Variants in AHCYL2 observed in about 807,000 individuals in gnomAD.
AHCYL2 encodes adenosylhomocysteinase like 2, also known as S-adenosylhomocysteine hydrolase-like protein 2.
In AHCYL2, 28 loss-of-function variants were observed where a neutral mutation model predicts 81.4. The ratio of observed to expected loss-of-function variants is 0.34; its 90% confidence interval spans 0.25 to 0.47. The LOEUF (loss-of-function observed/expected upper bound fraction) is 0.47. Ranked by LOEUF, AHCYL2 falls within the 20% of genes least tolerant of loss-of-function variation. The pLI, the probability that AHCYL2 is intolerant of heterozygous loss-of-function variation, is 1.00. For synonymous variants in AHCYL2, 272 were observed against 290.2 expected, an observed-to-expected ratio of 0.94 and a Z score of 0.64; for missense variants, 551 against 785.1, an observed-to-expected ratio of 0.70 and a Z score of 3.56.
chr7:129,246,807 A>G (rs1442996268), intron 1 of AHCYL2, among the ~76,000 whole-genome samples: 5 of 152,280 alleles, frequency 3.3e-5, no homozygotes, highest in East Asian at 3.9e-4. Context: ...TGGAAATTTC[A>G]TATAAATTAA....
chr7:129,325,327 G>A (rs532579237), intron 1 of AHCYL2, among the ~76,000 whole-genome samples: 8 of 152,022 alleles, frequency 5.3e-5, no homozygotes, highest in South Asian at 4.2e-4. Context: ...TTTTCGTTTC[G>A]GTTTTTAAAG....
At chr7:129,405,537 C>T (rs1441208948) in intron 8 of AHCYL2, 2 of 370,514 alleles carry the variant, frequency 5.4e-6, no homozygotes, top group East Asian at 4.3e-5. Flanking sequence ...AAAACCCTTA[C>T]ATATAGGATT....
intron 1 of AHCYL2, among the ~76,000 whole-genome samples, chr7:129,359,971 A>G (rs921531902): frequency 6.6e-6 from 1 of 152,152 alleles, no homozygotes; most frequent in African/African-American, 2.4e-5. Flanking sequence ...TAATTTTGTT[A>G]TAGTGATGTT....
Position 129,368,357 on chromosome 7 carries a change from G to T in AHCYL2, c.364-11281G>T. The T allele has an allele frequency of 6.7e-7, 1 of 1,496,376 alleles. No individual in the cohort carries two copies. The highest frequency in any genetic ancestry group is 1.4e-5 in the South Asian group (1 of 72,464). 92.7% of individuals were successfully genotyped at this position (1,496,376 alleles called of 1,614,324 possible). A position where few individuals can be genotyped will look rare whatever the true frequency, so the allele number is the denominator to read the frequency against. On this transcript the variant is annotated intron_variant, in intron 1 of 16. Transcript: ENST00000325006. The surrounding 1 kb of genome is among the most constrained non-coding windows in gnomAD (Gnocchi z 4.4). ...TTGAATCGGAGGCTGCTGTGAAAAG[G>T]GATGCAGCTTCTGCTAGCCACTGTG... is the stretch of plus-strand genomic sequence containing the variant.
At chr7:129,270,199 G>A (rs1795960427) in intron 1 of AHCYL2, among the ~76,000 whole-genome samples, 1 of 152,098 alleles carries the variant, frequency 6.6e-6, no homozygotes, top group Admixed American at 6.6e-5. Context: ...ACTGGTTGAG[G>A]GATTCTACCT....
At position 129,279,457 on chromosome 7, in the gene AHCYL2, T is replaced by C. The variant is rs536216882; in HGVS notation, c.363+54018T>C. On this transcript the variant is annotated intron_variant, in intron 1 of 16. Coordinates refer to ENST00000325006, the MANE Select transcript of AHCYL2 (RefSeq NM_015328.4). ...TAGGTCTTGCATATCTTTTGTCCAATGTATCGATGTTTCATGTTCCATGTT... is the reference window on the plus strand; with the variant it reads ...TAGGTCTTGCATATCTTTTGTCCAACGTATCGATGTTTCATGTTCCATGTT... 2.0e-5 allele frequency among the ~76,000 whole-genome samples: 3 copies of C among 152,294 alleles called. No homozygotes were observed. In the East Asian group the frequency reaches 5.8e-4, roughly 29 times the overall value.
chr7:129,235,356 C>T (rs932934053), intron 1 of AHCYL2, among the ~76,000 whole-genome samples: 12 of 151,868 alleles, frequency 7.9e-5, no homozygotes, highest in African/African-American at 2.9e-4. Flanking sequence ...GAGAGGCTTC[C>T]ACCTCTGAAC....
chr7:129,398,712 A>T lies in AHCYL2; in HGVS notation c.823+1388A>T, dbSNP rs192208480. 5.3e-5 allele frequency among the ~76,000 whole-genome samples: 8 copies of T among 151,698 alleles called. No individual in the cohort carries two copies. The East Asian group carries it at 1.6e-3, about 29-fold the overall frequency. Reference sequence around the variant, plus strand: ...TTTTTTTTTAAACAAATGCTTACTGACCTACGCTAAGAGCTGTAAGGGCAA... The same window carrying T: ...TTTTTTTTTAAACAAATGCTTACTGTCCTACGCTAAGAGCTGTAAGGGCAA... On this transcript the variant is annotated intron_variant, in intron 5 of 16. Coordinates refer to ENST00000325006, the MANE Select transcript of AHCYL2 (RefSeq NM_015328.4).
At chr7:129,273,321 C>CTTTTTTTTTT (rs35236990) in intron 1 of AHCYL2, among the ~76,000 whole-genome samples, 10 of 75,896 alleles carry the variant, frequency 1.3e-4, no homozygotes, top group Non-Finnish European at 1.8e-4. Context: ...TTTGCTAAGA[C>CTTTTTTTTTT]TTTTTTTTTT....
At chr7:129,413,474 T>C (rs995449250) in intron 11 of AHCYL2, 120 bp from the exon 12 acceptor site, 3 of 822,046 alleles carry the variant, frequency 3.6e-6, no homozygotes, top group Non-Finnish European at 3.9e-6. Flanking sequence ...CTTCTTCTTA[T>C]TGGGTTGTAA....
chr7:129,264,277 T>G (rs1284483399), intron 1 of AHCYL2, among the ~76,000 whole-genome samples: 1 of 152,180 alleles, frequency 6.6e-6, no homozygotes, highest in African/African-American at 2.4e-5. Flanking sequence ...CGCCTCAGCC[T>G]CCCAAAGTGC....
At chr7:129,315,564 C>T (rs116719464) in intron 1 of AHCYL2, among the ~76,000 whole-genome samples, 5,770 of 152,212 alleles carry the variant, frequency 0.038, 112 homozygotes, top group Middle Eastern at 0.078. Context: ...CCTATAATTG[C>T]GTGATTACAC....
chr7:129,405,921 A>G, intron 9 of AHCYL2, 22 bp downstream of exon 9: 2 of 1,606,554 alleles, frequency 1.2e-6, no homozygotes, highest in African/African-American at 2.7e-5. Context: ...CCTTTTGTTT[A>G]TTAGGTGTTT....
At chr7:129,278,323 C>T (rs1796297918) in intron 1 of AHCYL2, among the ~76,000 whole-genome samples, 1 of 151,998 alleles carries the variant, frequency 6.6e-6, no homozygotes, top group Admixed American at 6.6e-5. Context: ...TGATCCTCCT[C>T]CATCAGTCTC....
At chr7:129,239,008 C>G (rs1324951970) in intron 1 of AHCYL2, among the ~76,000 whole-genome samples, 1 of 144,108 alleles carries the variant, frequency 6.9e-6, no homozygotes, top group Non-Finnish European at 1.5e-5. Flanking sequence ...TCTAGAAATT[C>G]ACATTTTTGT....
At chr7:129,351,917 C>A (rs1246257895) in intron 1 of AHCYL2, among the ~76,000 whole-genome samples, 2 of 152,144 alleles carry the variant, frequency 1.3e-5, no homozygotes, top group Admixed American at 6.5e-5. Context: ...AATTAATAAC[C>A]ATTAGTTATT....
At chr7:129,267,180 A>G (rs1795837803) in intron 1 of AHCYL2, among the ~76,000 whole-genome samples, 1 of 151,112 alleles carries the variant, frequency 6.6e-6, no homozygotes, top group Non-Finnish European at 1.5e-5. Flanking sequence ...TGTGTGGTGT[A>G]TGTATGAGAG....
At chr7:129,404,480 G>C (rs1796202815) in intron 7 of AHCYL2, among the ~76,000 whole-genome samples, 1 of 152,100 alleles carries the variant, frequency 6.6e-6, no homozygotes, top group Non-Finnish European at 1.5e-5. Flanking sequence ...TTCAAGACCA[G>C]CCTGGCCAAC....
At chr7:129,325,590 G>T (rs992387471) in intron 1 of AHCYL2, among the ~76,000 whole-genome samples, 20 of 152,124 alleles carry the variant, frequency 1.3e-4, no homozygotes, top group African/African-American at 3.9e-4. Flanking sequence ...AAAACTTTCA[G>T]CCATTATTCT....
Sources: gnomAD v4.1 joint callset for allele counts (sites outside exome capture counted in the v4.1 genomes callset) on GRCh38, gnomAD v4.1.1 for gene constraint, Gnocchi (gnomAD v3.1) non-coding constraint, MANE v1.5 for transcripts, NCBI Gene and HGNC (gene_info 2026-07-23, HGNC 2026-07-21) for gene names.